GLIS3: variants seen among roughly 807,000 people sequenced by gnomAD.
The protein encoded by GLIS3 is GLIS family zinc finger 3.
GLIS3 carries 53 observed loss-of-function variants against 78.6 expected under a neutral mutation model. That is an observed-to-expected ratio of 0.67 (90% CI 0.54 to 0.85). GLIS3 has a LOEUF of 0.85. Among genes scored for constraint, GLIS3 ranks in the 40% least tolerant of loss-of-function variants. GLIS3 has a pLI of 0.00. For synonymous variants in GLIS3, 684 were observed against 509.9 expected (o/e 1.34, Z -4.60); for missense variants, 1,703 against 1,231.1 (o/e 1.38, Z -5.74).
At chr9:4,473,734 A>G in the GLIS3 span, among the ~76,000 whole-genome samples, 2 of 152,102 alleles carry the variant, frequency 1.3e-5, no homozygotes, top group South Asian at 4.2e-4. Context: ...CCCCTGTGAC[A>G]TGAGTTTACC....
chr9:3,934,982 C>CTAAT (rs1825812242), intron 5 of GLIS3, among the ~76,000 whole-genome samples: 1 of 151,988 alleles, frequency 6.6e-6, no homozygotes, highest in Non-Finnish European at 1.5e-5. Flanking sequence ...TATTAAGATG[C>CTAAT]TAATAGAGAG....
chr9:4,103,847 G>C (rs1342174096), intron 4 of GLIS3, among the ~76,000 whole-genome samples: 2 of 152,116 alleles, frequency 1.3e-5, no homozygotes, highest in East Asian at 3.9e-4. Flanking sequence ...GGCTAACTTG[G>C]AACAACCTCT....
chr9:3,828,527 C>T (rs1817855320), intron 10 of GLIS3, 119 bp from the exon 11 acceptor site: 2 of 1,262,356 alleles, frequency 1.6e-6, no homozygotes, highest in Non-Finnish European at 2.2e-6. Flanking sequence ...GGCAACCATG[C>T]CAGCCTGGGC....
chr9:3,839,857 A>G lies in GLIS3; in HGVS notation c.2474-10365T>C, dbSNP rs372855594. Among the ~76,000 whole-genome samples the G allele has an allele frequency of 9.2e-5, 14 of 152,214 alleles. No homozygotes were observed. In the East Asian group the frequency reaches 1.3e-3, roughly 15 times the overall value. On this transcript the variant is annotated intron_variant, in intron 9 of 10. Transcript: ENST00000381971. ...CATTAGGGAGAAAAGTATTTAATTA[A>G]TTAGTAAAATTGATCAAATCACCTA... is the stretch of plus-strand genomic sequence containing the variant.
intron 6 of GLIS3, among the ~76,000 whole-genome samples, chr9:3,906,512 G>A (rs974192117): frequency 6.6e-6 from 1 of 152,186 alleles, no homozygotes; most frequent in African/African-American, 2.4e-5. Context: ...GAAGGAGCAG[G>A]TTGGAGGTAA....
intron 2 of GLIS3, among the ~76,000 whole-genome samples, chr9:4,318,601 A>G (rs1266631974): frequency 6.6e-6 from 1 of 152,224 alleles, no homozygotes; most frequent in Admixed American, 6.5e-5. Flanking sequence ...TGGCAGCAAA[A>G]AGAGTCCAGA....
At position 4,118,270 on chromosome 9, in the gene GLIS3, A is replaced by G; in HGVS notation, c.1208T>C (p.Leu403Pro). 6.3e-7 allele frequency: 1 copy of G among 1,586,592 alleles called. No individual in the cohort carries two copies. The highest frequency in any genetic ancestry group is 2.3e-5 in the East Asian group (1 of 43,710). The change falls in exon 4 of 11, where the codon CTG becomes CCG. Residue 403 changes from leucine to proline, a missense_variant. By Grantham distance (98) the Leu-to-Pro change is moderately conservative. Transcript: ENST00000381971. The surrounding 1 kb of genome is among the most constrained non-coding windows in gnomAD (Gnocchi z 4.7). ...CATGTGGTTGACCAGGCCTGGCTGC[A>G]GGCCGCCGTGCTCCAGCTGTTGCAT... ...ERMQQLEHGGLQPGLVNHMVV... is the reference protein window; with the variant it reads ...ERMQQLEHGGPQPGLVNHMVV...
At chr9:4,043,343 G>A (rs1013705050) in intron 4 of GLIS3, among the ~76,000 whole-genome samples, 2 of 152,110 alleles carry the variant, frequency 1.3e-5, no homozygotes, top group African/African-American at 4.8e-5. Flanking sequence ...GGAGATCAGG[G>A]TGAGGTACAC....
At chr9:4,287,947 C>A (rs1396551264) in intron 1 of GLIS3, among the ~76,000 whole-genome samples, 2 of 152,198 alleles carry the variant, frequency 1.3e-5, no homozygotes, top group African/African-American at 4.8e-5. Context: ...TCTATTTTCA[C>A]TAAGAATGCC....
chr9:4,282,998 G>C (rs78434508), intron 2 of GLIS3, among the ~76,000 whole-genome samples: 3 of 151,892 alleles, frequency 2.0e-5, no homozygotes, highest in African/African-American at 7.3e-5. Context: ...CATGCACCAG[G>C]ATTTCTTCCC....
the GLIS3 span, among the ~76,000 whole-genome samples, chr9:4,431,675 T>C: frequency 3.3e-5 from 5 of 152,044 alleles, no homozygotes; most frequent in Non-Finnish European, 5.9e-5. Context: ...TGAAATCCCA[T>C]CTCTACTAAA....
At position 3,907,600 on chromosome 9, in the gene GLIS3, C is replaced by CACA. The variant is rs1563836806; in HGVS notation, c.1984-8766_1984-8765insTGT. On this transcript the variant is annotated intron_variant, in intron 6 of 10. Coordinates refer to ENST00000381971, the MANE Select transcript of GLIS3 (RefSeq NM_001042413.2). ...GAGCCAATGGCTAGCATCCTCCACC[C>CACA]CCCAAACACACACACACACACACAG... is the stretch of plus-strand genomic sequence containing the variant. Among the ~76,000 whole-genome samples the CACA allele has an allele frequency of 8.3e-3, 1,002 of 120,336 alleles. 12 individuals carry two copies. The highest frequency in any genetic ancestry group is 0.025 in the South Asian group (85 of 3,338). 78.9% of individuals were successfully genotyped at this position (120,336 alleles called of 152,430 possible). A position where few individuals can be genotyped will look rare whatever the true frequency, so the allele number is the denominator to read the frequency against.
chr9:4,235,511 G>C (rs1350743208), intron 2 of GLIS3, among the ~76,000 whole-genome samples: 1 of 152,150 alleles, frequency 6.6e-6, no homozygotes, highest in Admixed American at 6.5e-5. Context: ...CAGTGATTTA[G>C]TCCTTTTGGT....
chr9:4,151,524 AT>A (rs969432690), intron 2 of GLIS3, among the ~76,000 whole-genome samples: 1 of 152,162 alleles, frequency 6.6e-6, no homozygotes, highest in Non-Finnish European at 1.5e-5. Context: ...TGACAGCATA[AT>A]TTTTTTAAAG....
In GLIS3 at chr9:3,864,146, G is replaced by GA. The variant is rs1366248843; in HGVS notation, c.2298-7963dup. Among the ~76,000 whole-genome samples the GA allele has an allele frequency of 1.5e-4, 23 of 151,342 alleles. No individual in the cohort carries two copies. In the South Asian group the frequency reaches 2.7e-3, roughly 18 times the overall value. On this transcript the variant is annotated intron_variant, in intron 8 of 10. Coordinates refer to ENST00000381971, the MANE Select transcript of GLIS3 (RefSeq NM_001042413.2). ...CATTTGATGTAAAAAATTCTACTAT[G>GA]AAAAAAAAATCTGCAATGATATCAT...
At chr9:4,429,225 T>C in the GLIS3 span, among the ~76,000 whole-genome samples, 1 of 152,188 alleles carries the variant, frequency 6.6e-6, no homozygotes, top group Non-Finnish European at 1.5e-5. Context: ...CGCTGAAATC[T>C]TCTGTGGCTT....
the GLIS3 span, among the ~76,000 whole-genome samples, chr9:4,406,605 A>G: frequency 6.6e-6 from 1 of 152,226 alleles, no homozygotes; most frequent in Non-Finnish European, 1.5e-5. Flanking sequence ...CAGTAAAGTT[A>G]CAGGATACAA....
intron 2 of GLIS3, among the ~76,000 whole-genome samples, chr9:4,240,004 T>C: frequency 6.6e-6 from 1 of 152,248 alleles, no homozygotes. Flanking sequence ...CGTTGAATTA[T>C]TTCTGCAACC....
At chr9:4,361,022 C>G in the GLIS3 span, among the ~76,000 whole-genome samples, 2 of 152,206 alleles carry the variant, frequency 1.3e-5, no homozygotes, top group Admixed American at 6.5e-5. Context: ...CTTTCTGAAA[C>G]AGGCCACACT....
Sources: gnomAD v4.1 joint callset for allele counts (sites outside exome capture counted in the v4.1 genomes callset) on GRCh38, gnomAD v4.1.1 for gene constraint, Gnocchi (gnomAD v3.1) non-coding constraint, MANE v1.5 for transcripts, NCBI Gene and HGNC (gene_info 2026-07-23, HGNC 2026-07-21) for gene names.